Variants in ZNF431 observed in about 807,000 individuals in gnomAD.
ZNF431 encodes zinc finger protein 431.
In ZNF431, 34 loss-of-function variants were observed where a neutral mutation model predicts 57.0. The observed-to-expected ratio is 0.60, with a 90% CI of 0.45 to 0.79. The LOEUF is 0.79. Ranked by LOEUF, ZNF431 falls within the 30% of genes least tolerant of loss-of-function variation. The pLI is 0.00. For synonymous variants in ZNF431, 207 were observed against 220.3 expected (o/e 0.94, Z 0.54); for missense variants, 607 against 667.1 (o/e 0.91, Z 0.99).
At chr19:21,181,078 C>A (rs752537013) in intron 4 of ZNF431, among the ~76,000 whole-genome samples, 1 of 151,588 alleles carries the variant, frequency 6.6e-6, no homozygotes, top group East Asian at 1.9e-4. Flanking sequence ...ATAATGATTT[C>A]TATTCTTGTA....
chr19:21,157,926 G>C (rs1970464541), intron 2 of ZNF431, among the ~76,000 whole-genome samples: 2 of 147,130 alleles, frequency 1.4e-5, no homozygotes, highest in Admixed American at 6.9e-5. Flanking sequence ...TTCTGCTTTT[G>C]TTACCGTAGC....
chr19:21,143,679 A>G (rs772967200), intron 2 of ZNF431, 36 bp downstream of exon 2: 9 of 1,522,590 alleles, frequency 5.9e-6, no homozygotes, highest in Admixed American at 3.4e-5. Flanking sequence ...TCTACGCCCA[A>G]CCCAGCTTTC....
intron 2 of ZNF431, among the ~76,000 whole-genome samples, chr19:21,152,951 TAATGAAGAAAGTAAGTA>T (rs1468836121): frequency 6.6e-6 from 1 of 152,190 alleles, no homozygotes; most frequent in Non-Finnish European, 1.5e-5. Context: ...GATAGCAAGT[TAATGAAGAAAGTAAGTA>T]AATAGAAGAA....
At chr19:21,158,285 C>T (rs1328108687) in intron 2 of ZNF431, among the ~76,000 whole-genome samples, 1 of 152,060 alleles carries the variant, frequency 6.6e-6, no homozygotes, top group Non-Finnish European at 1.5e-5. Context: ...GCAACCTCTG[C>T]CTCCCTGGTT....
chr19:21,171,280 A>G (rs1418285323), intron 4 of ZNF431, among the ~76,000 whole-genome samples: 1 of 149,290 alleles, frequency 6.7e-6, no homozygotes, highest in South Asian at 2.1e-4. Flanking sequence ...ACAGTCAACT[A>G]TTGTAGTTAT....
At chr19:21,152,413 A>G (rs1424185958) in intron 2 of ZNF431, among the ~76,000 whole-genome samples, 12 of 152,140 alleles carry the variant, frequency 7.9e-5, no homozygotes, top group Admixed American at 7.9e-4. Flanking sequence ...CCTTTTGGAC[A>G]AGAAAAAGAT....
At chr19:21,142,229 G>A in intron 1 of ZNF431, 43 bp downstream of exon 1, 1 of 1,612,638 alleles carries the variant, frequency 6.2e-7, no homozygotes, top group Non-Finnish European at 8.5e-7. Context: ...GGGAAGGGCT[G>A]GTTGTAACCG....
intron 4 of ZNF431, among the ~76,000 whole-genome samples, chr19:21,179,603 A>AGGG (rs1284178228): frequency 7.2e-6 from 1 of 138,480 alleles, no homozygotes; most frequent in Admixed American, 7.9e-5. Flanking sequence ...CTCTGACCCC[A>AGGG]GGCTGGAGTG....
Position 21,190,104 on chromosome 19 carries a change from G to A in ZNF431, c.*6070G>A, listed in dbSNP as rs981073964. The A allele has an allele frequency of 1.1e-5, 4 of 374,434 alleles. No individual in the cohort carries two copies. Among genetic ancestry groups the A allele is most frequent in the African/African-American group, 2.1e-5 (1 of 48,032 alleles). The allele number at this position is 374,434 out of a possible 1,614,324, so 23.2% of individuals were successfully genotyped here. On this transcript the variant is annotated 3_prime_UTR_variant, in exon 5 of 5. Transcript: ENST00000311048. ...GAATCCCTTGAACCACAGATGCAGA[G>A]GTTGCAGTGAACTGAGATCATGCCA...
intron 4 of ZNF431, among the ~76,000 whole-genome samples, chr19:21,175,698 A>C (rs1816041794): frequency 6.6e-6 from 1 of 152,182 alleles, no homozygotes; most frequent in African/African-American, 2.4e-5. Flanking sequence ...TTCTTGTATT[A>C]GTTTGCTGAA....
At chr19:21,142,499 G>C (rs753338627) in intron 1 of ZNF431, among the ~76,000 whole-genome samples, 14 of 152,230 alleles carry the variant, frequency 9.2e-5, no homozygotes, top group South Asian at 4.1e-4. Context: ...GTCTTCAGGG[G>C]ACAGTTCTGA....
intron 1 of ZNF431, 109 bp downstream of exon 1, chr19:21,142,295 C>G: frequency 6.7e-7 from 1 of 1,483,636 alleles, no homozygotes; most frequent in Non-Finnish European, 9.4e-7. Context: ...CCACAGTCTG[C>G]GCCCCGAGTT....
intron 4 of ZNF431, among the ~76,000 whole-genome samples, chr19:21,173,024 T>G (rs1970950842): frequency 6.6e-6 from 1 of 152,216 alleles, no homozygotes; most frequent in Admixed American, 6.5e-5. Context: ...ATTCATCATT[T>G]TGTTTCTGGC....
At position 21,193,241 on chromosome 19, in the gene ZNF431, C is replaced by G. The variant is rs1213959571; in HGVS notation, c.*9207C>G. 1 of 152,118 alleles carries G rather than the reference C, an allele frequency of 6.6e-6. No individual in the cohort carries two copies. The highest frequency in any genetic ancestry group is 2.4e-5 in the African/African-American group (1 of 41,438). 9.4% of individuals were successfully genotyped at this position (152,118 alleles called of 1,614,324 possible). On this transcript the variant is annotated 3_prime_UTR_variant, in exon 5 of 5. Coordinates refer to ENST00000311048, the MANE Select transcript of ZNF431 (RefSeq NM_133473.4). ...TCCACCCTAACTCATTATATAAAAT[C>G]TGTATCGCTGCACGAGGTGGCTCAC...
intron 4 of ZNF431, among the ~76,000 whole-genome samples, chr19:21,174,046 A>G (rs1970980853): frequency 6.6e-6 from 1 of 151,498 alleles, no homozygotes; most frequent in Non-Finnish European, 1.5e-5. Context: ...CCTGGGTTCA[A>G]GCGATTCTGC....
intron 2 of ZNF431, among the ~76,000 whole-genome samples, chr19:21,155,837 G>A (rs1812293487): frequency 6.6e-6 from 1 of 152,116 alleles, no homozygotes; most frequent in Admixed American, 6.6e-5. Flanking sequence ...ATATCCCAGA[G>A]CCCTGTCCTG....
intron 4 of ZNF431, among the ~76,000 whole-genome samples, chr19:21,169,254 T>TA (rs1327968957): frequency 2.0e-5 from 3 of 152,134 alleles, no homozygotes; most frequent in Non-Finnish European, 2.9e-5. Flanking sequence ...TTTTTTTATA[T>TA]ATAAGATCAT....
chr19:21,167,314 C>A (rs1970750290), intron 3 of ZNF431, among the ~76,000 whole-genome samples: 1 of 151,792 alleles, frequency 6.6e-6, no homozygotes. Context: ...CACCTGCCAC[C>A]ATGCCCAGCT....
In ZNF431 at chr19:21,185,952, C is replaced by G. The variant is rs896426368; in HGVS notation, c.*1918C>G. On this transcript the variant is annotated 3_prime_UTR_variant, in exon 5 of 5. Coordinates refer to ENST00000311048, the MANE Select transcript of ZNF431 (RefSeq NM_133473.4). ...TTATCGTCATAATAAAAATTATATA[C>G]GAGTATAAATGAAATTCATTTCTAA... is the stretch of plus-strand genomic sequence containing the variant. 1.3e-5 allele frequency: 2 copies of G among 151,962 alleles called. No homozygotes were observed. Among genetic ancestry groups the G allele is most frequent in the Admixed American group, 1.3e-4 (2 of 15,250 alleles). 9.4% of individuals were successfully genotyped at this position (151,962 alleles called of 1,614,324 possible).
Sources: allele counts gnomAD v4.1 joint callset (sites outside exome capture counted in the v4.1 genomes callset), GRCh38; gene constraint gnomAD v4.1.1; transcripts MANE v1.5; gene names NCBI Gene and HGNC (gene_info 2026-07-23, HGNC 2026-07-21).